SYNE1: variants seen among roughly 807,000 people sequenced by gnomAD.
SYNE1 encodes the protein nesprin-1.
Under a neutral mutation model 1,111.0 loss-of-function variants are expected in SYNE1, and 616 were observed. The ratio of observed to expected loss-of-function variants is 0.55; its 90% CI spans 0.52 to 0.59. The LOEUF is 0.59. Ranked by LOEUF, SYNE1 falls within the 20% of genes least tolerant of loss-of-function variation. SYNE1 has a pLI of 0.00. For synonymous variants in SYNE1, 3,855 were observed against 3,825.8 expected (o/e 1.01, Z -0.28); for missense variants, 10,006 against 10,417.0 (o/e 0.96, Z 1.72).
intron 63 of SYNE1, among the ~76,000 whole-genome samples, chr6:152,364,609 AAG>A (rs1218592826): frequency 6.6e-6 from 1 of 151,736 alleles, no homozygotes; most frequent in Non-Finnish European, 1.5e-5. Context: ...AAGAAAAAGA[AAG>A]AGGAATCAAG....
chr6:152,461,597 C>T lies in SYNE1; in HGVS notation c.2394G>A (p.Lys798=). Reference sequence around the variant, plus strand: ...ATTGTGCATTAAATTATTTTCGCACCTTGGTTAGCTGCTCTTTGAGCTTTG... The same window carrying T: ...ATTGTGCATTAAATTATTTTCGCACTTTGGTTAGCTGCTCTTTGAGCTTTG... ...TMSKLKEQLT[K]VKECYSPLLY... The change falls in exon 21 of 146, where the codon AAG becomes AAA. Residue 798 remains lysine (K), a splice_region_variant and synonymous_variant. Transcript: ENST00000367255. The T allele has an allele frequency of 1.2e-6, 2 of 1,613,964 alleles. No homozygotes were observed. The highest frequency in any genetic ancestry group is 2.2e-5 in the East Asian group (1 of 44,882).
rs2098538294 is a variant in SYNE1, at chr6:152,442,264, CAGAT to C, written c.3838-23_3838-20del. The C allele has an allele frequency of 3.7e-6, 6 of 1,611,510 alleles. No homozygotes were observed. The highest frequency in any genetic ancestry group is 4.2e-6 in the Non-Finnish European group (5 of 1,180,028). On this transcript the variant is annotated intron_variant, in intron 30 of 145. Coordinates refer to ENST00000367255, the MANE Select transcript of SYNE1 (RefSeq NM_182961.4). The stretch of plus-strand genomic sequence containing the variant: ...TCTTTTGCTAGAAGCATTTATTCAA[CAGAT>C]GGATATAAATTGTGCTCTCTAAACA...
At chr6:152,531,948 C>T (rs1329490964) in intron 4 of SYNE1, among the ~76,000 whole-genome samples, 1 of 152,172 alleles carries the variant, frequency 6.6e-6, no homozygotes, top group Non-Finnish European at 1.5e-5. Flanking sequence ...GTGATTAATG[C>T]TACTATGAGC....
At chr6:152,167,526 T>C (rs2063925370) in intron 130 of SYNE1, among the ~76,000 whole-genome samples, 1 of 152,240 alleles carries the variant, frequency 6.6e-6, no homozygotes, top group African/African-American at 2.4e-5. Context: ...ATTTGCATAA[T>C]GCACTAAATT....
chr6:152,279,590 T>C (rs1173820177), intron 97 of SYNE1, among the ~76,000 whole-genome samples: 1 of 151,746 alleles, frequency 6.6e-6, no homozygotes, highest in Admixed American at 6.6e-5. Flanking sequence ...TGGTGGCACG[T>C]GCCTGTACTC....
intron 104 of SYNE1, among the ~76,000 whole-genome samples, chr6:152,252,356 C>A (rs1419287632): frequency 6.6e-6 from 1 of 152,046 alleles, no homozygotes; most frequent in Non-Finnish European, 1.5e-5. Context: ...TTAAAGAATT[C>A]TTTCATTCAT....
intron 93 of SYNE1, among the ~76,000 whole-genome samples, chr6:152,294,908 G>GA (rs924544699): frequency 2.0e-5 from 3 of 152,052 alleles, no homozygotes; most frequent in African/African-American, 7.2e-5. Context: ...TATTTCAGTA[G>GA]AAATTTAATT....
chr6:152,354,705 C>T lies in SYNE1; in HGVS notation c.10880G>A (p.Arg3627His), dbSNP rs755667715. Residue 3627 changes from arginine to histidine, a missense_variant, in exon 67 of 146, where the codon CGT (arginine) becomes CAT (histidine). Around this residue, in one of 7 missense-constraint regions of SYNE1, gnomAD observed 4,955 missense variants for 5,017.2 expected, o/e 0.99. Coordinates refer to ENST00000367255, the MANE Select transcript of SYNE1 (RefSeq NM_182961.4). ...CTCCTTGGTTGCCCTGTTAGACTGA[C>T]GTCTGGTCCTGGGACTAACTTTCTC... ...AEEKVSPRTR[R>H]QSNRATKEIQ... 14 of 1,614,106 alleles carry T rather than the reference C, an allele frequency of 8.7e-6. No homozygotes were observed. The highest frequency in any genetic ancestry group is 1.3e-5 in the African/African-American group (1 of 74,930).
chr6:152,456,026 C>T lies in SYNE1; in HGVS notation c.2587G>A (p.Glu863Lys), dbSNP rs1238481697. The change falls in exon 23 of 146, where the codon GAA becomes AAA. Residue 863 changes from glutamate (E) to lysine (K), a missense_variant. By Grantham distance (56) the Glu-to-Lys change is moderately conservative (BLOSUM62 1). Transcript: ENST00000367255. ...AGTGTCAAGGTTTTCTTACAGTTTT[C>T]TTGACAAGCTAACAGTTCCTATAAC... is the stretch of plus-strand genomic sequence containing the variant. Reference protein sequence around the residue: ...QKHQELLACQENCKKTLTLIE... With the variant: ...QKHQELLACQKNCKKTLTLIE... 6.2e-7 allele frequency: 1 copy of T among 1,613,582 alleles called. No individual in the cohort carries two copies. Among genetic ancestry groups the T allele is most frequent in the South Asian group, 1.1e-5 (1 of 91,074 alleles).
At position 152,274,241 on chromosome 6, in the gene SYNE1, G is replaced by T. The variant is rs182402275; in HGVS notation, c.18573+3848C>A. Among the ~76,000 whole-genome samples the T allele has an allele frequency of 2.2e-3, 335 of 152,272 alleles. 2 individuals are homozygous for T. The highest frequency in any genetic ancestry group is 3.2e-3 in the Non-Finnish European group (221 of 68,024). ...AGTCACATTGCATGTGCATTTTCAA[G>T]TGTGTAAATCCAAGTGAAAAGTTAT... On this transcript the variant is annotated intron_variant, in intron 98 of 145. Transcript: ENST00000367255.
At position 152,132,216 on chromosome 6, in the gene SYNE1, T is replaced by A; in HGVS notation, c.26002-2A>T. The A allele has an allele frequency of 6.2e-7, 1 of 1,613,970 alleles. No homozygotes were observed. The highest frequency in any genetic ancestry group is 8.5e-7 in the Non-Finnish European group (1 of 1,179,862). On this transcript the variant is annotated splice_acceptor_variant, in intron 143 of 145. Coordinates refer to ENST00000367255, the MANE Select transcript of SYNE1 (RefSeq NM_182961.4). LOFTEE classifies it high-confidence loss of function. ...AGCAGAAGACCAGGAAGACAAATCCTATGTGGGAGAAAGATTCTTTTAACA... is the reference window on the plus strand; with the variant it reads ...AGCAGAAGACCAGGAAGACAAATCCAATGTGGGAGAAAGATTCTTTTAACA...
At position 152,447,630 on chromosome 6, in the gene SYNE1, G is replaced by A. The variant is rs765881829; in HGVS notation, c.3505-8C>T. ...AACACCATTTCTGATCTCCTGAAAT[G>A]AGAGAACACTTTTGATGAACACAGT... is the stretch of plus-strand genomic sequence containing the variant. On this transcript the variant is annotated splice_region_variant and splice_polypyrimidine_tract_variant and intron_variant, in intron 28 of 145. Coordinates refer to ENST00000367255, the MANE Select transcript of SYNE1 (RefSeq NM_182961.4). The A allele has an allele frequency of 1.9e-6, 3 of 1,614,038 alleles. No individual in the cohort carries two copies. The African/African-American group carries it at 4.0e-5, about 22-fold the overall frequency.
intron 56 of SYNE1, among the ~76,000 whole-genome samples, chr6:152,378,173 T>C (rs1352879616): frequency 1.3e-5 from 2 of 152,206 alleles, no homozygotes; most frequent in East Asian, 3.9e-4. Context: ...GACTCCCAAA[T>C]ATGTAAACAC....
intron 101 of SYNE1, among the ~76,000 whole-genome samples, chr6:152,258,193 C>T (rs1196042998): frequency 6.6e-6 from 1 of 152,080 alleles, no homozygotes; most frequent in Non-Finnish European, 1.5e-5. Flanking sequence ...AGCTGATATT[C>T]CCAAACATGA....
intron 51 of SYNE1, 84 bp from the exon 52 acceptor site, chr6:152,391,652 A>G (rs2097641551): frequency 5.5e-6 from 8 of 1,452,788 alleles, no homozygotes; most frequent in Admixed American, 4.7e-5. Context: ...GATTGTTGAT[A>G]TTGGAGCAGT....
chr6:152,615,935 G>T (rs1387718081), intron 3 of SYNE1, among the ~76,000 whole-genome samples: 1 of 152,152 alleles, frequency 6.6e-6, no homozygotes, highest in African/African-American at 2.4e-5. Context: ...GTTTTTGTAT[G>T]CCATGTATCA....
rs1386874431 is a variant in SYNE1, at chr6:152,425,361, AT to A, written c.5267+19del. ...AAAAACAAATGAACAATATTAGAAG[AT>A]TTATCTTTTAGAACCAACCTTTTGT... is the stretch of plus-strand genomic sequence containing the variant. On this transcript the variant is annotated intron_variant, in intron 39 of 145. Transcript: ENST00000367255. The A allele has an allele frequency of 6.2e-7, 1 of 1,611,582 alleles. No homozygotes were observed. The highest frequency in any genetic ancestry group is 2.2e-5 in the East Asian group (1 of 44,840).
chr6:152,536,654 C>T (rs753712179), intron 4 of SYNE1, among the ~76,000 whole-genome samples: 18 of 151,246 alleles, frequency 1.2e-4, no homozygotes, highest in Non-Finnish European at 2.1e-4. Flanking sequence ...AATTTCCTAG[C>T]TTTCCCCCCA....
At chr6:152,528,306 CTGAA>C (rs145549418) in intron 4 of SYNE1, among the ~76,000 whole-genome samples, 63 of 151,860 alleles carry the variant, frequency 4.1e-4, no homozygotes, top group African/African-American at 9.7e-4. Flanking sequence ...GACTGACTGA[CTGAA>C]TGAATGAATG....
Sources: allele counts gnomAD v4.1 joint callset (sites outside exome capture counted in the v4.1 genomes callset), GRCh38; gene constraint gnomAD v4.1.1; regional missense constraint gnomAD v4.1.1; transcripts MANE v1.5; gene names NCBI Gene and HGNC (gene_info 2026-07-23, HGNC 2026-07-21).